The following TBC1D5 variants were observed in gnomAD, a reference collection of about 807,000 sequenced individuals.
The protein encoded by TBC1D5 is TBC1 domain family member 5, also known as TBC1 domain family, member 5.
TBC1D5 carries 75 observed loss-of-function variants against 100.3 expected under a neutral mutation model. That is an observed-to-expected ratio of 0.75 (90% CI 0.62 to 0.91). The LOEUF (loss-of-function observed/expected upper bound fraction) is 0.91. Among genes scored for constraint, TBC1D5 ranks in the 40% least tolerant of loss-of-function variants. The pLI is 0.00. For synonymous variants in TBC1D5, 323 were observed against 325.6 expected (o/e 0.99, Z 0.09); for missense variants, 910 against 942.4 (o/e 0.97, Z 0.45).
At chr3:17,372,318 T>TC in intron 12 of TBC1D5, 71 bp from the exon 13 acceptor site, 1 of 1,341,620 alleles carries the variant, frequency 7.5e-7, no homozygotes, top group Admixed American at 2.4e-5. Flanking sequence ...TCATTCTTTA[T>TC]CAATGACAGT....
At chr3:17,555,360 C>T (rs567386168) in intron 2 of TBC1D5, among the ~76,000 whole-genome samples, 1 of 152,222 alleles carries the variant, frequency 6.6e-6, no homozygotes, top group South Asian at 2.1e-4. Context: ...ATACATACGA[C>T]ATGAATCAAT....
intron 1 of TBC1D5, among the ~76,000 whole-genome samples, chr3:17,734,266 T>G (rs927113281): frequency 1.3e-5 from 2 of 152,108 alleles, no homozygotes; most frequent in African/African-American, 4.8e-5. Flanking sequence ...TACATATATA[T>G]GTGGAGGGCG....
intron 8 of TBC1D5, among the ~76,000 whole-genome samples, chr3:17,399,262 G>C (rs1046569141): frequency 6.6e-6 from 1 of 152,066 alleles, no homozygotes; most frequent in African/African-American, 2.4e-5. Context: ...AATCTGCTTT[G>C]AGTAGAGTGA....
At chr3:17,711,552 TAAAC>T (rs1395668043) in intron 1 of TBC1D5, among the ~76,000 whole-genome samples, 1 of 152,192 alleles carries the variant, frequency 6.6e-6, no homozygotes, top group Non-Finnish European at 1.5e-5. Context: ...TATGAACAAT[TAAAC>T]AATATATTGC....
intron 3 of TBC1D5, among the ~76,000 whole-genome samples, chr3:17,479,329 G>A (rs1182613325): frequency 6.6e-6 from 1 of 152,194 alleles, no homozygotes; most frequent in East Asian, 1.9e-4. Flanking sequence ...CTTGAGCCCA[G>A]AAGGTTGAGA....
chr3:17,371,232 C>T (rs527300527), intron 13 of TBC1D5, among the ~76,000 whole-genome samples: 6 of 151,968 alleles, frequency 3.9e-5, no homozygotes, highest in Non-Finnish European at 5.9e-5. Context: ...CAGGAATCTA[C>T]GTCTGAGGGT....
At chr3:17,303,795 T>G (rs573996899) in intron 14 of TBC1D5, among the ~76,000 whole-genome samples, 1 of 149,696 alleles carries the variant, frequency 6.7e-6, no homozygotes, top group East Asian at 2.0e-4. Context: ...CCTTTAGTCC[T>G]GCCTAATTCA....
intron 13 of TBC1D5, among the ~76,000 whole-genome samples, chr3:17,357,396 G>C (rs994186456): frequency 1.6e-4 from 24 of 152,136 alleles, no homozygotes; most frequent in Non-Finnish European, 4.4e-5. Context: ...AAAAGAGTGG[G>C]AGTGAAAAGT....
At chr3:17,546,635 G>A (rs915514442) in intron 2 of TBC1D5, among the ~76,000 whole-genome samples, 7 of 151,558 alleles carry the variant, frequency 4.6e-5, no homozygotes, top group African/African-American at 4.8e-5. Flanking sequence ...CGGGCATGGC[G>A]GCATGAACCT....
chr3:17,498,291 T>C lies in TBC1D5; in HGVS notation c.97+10183A>G, dbSNP rs2095741135. On this transcript the variant is annotated intron_variant, in intron 3 of 21. Coordinates refer to ENST00000253692, the Ensembl canonical transcript of TBC1D5. ...TATGAAAAAAAAATGATTGCAAGTT[T>C]CAAAACAACTATTTGATTAACAAGG... is the stretch of plus-strand genomic sequence containing the variant. Among the ~76,000 whole-genome samples the C allele has an allele frequency of 1.3e-5, 2 of 152,116 alleles. 1 individual carries two copies. The highest frequency in any genetic ancestry group is 2.9e-5 in the Non-Finnish European group (2 of 67,978).
chr3:17,721,956 T>C (rs989542251), intron 1 of TBC1D5, among the ~76,000 whole-genome samples: 4 of 152,136 alleles, frequency 2.6e-5, no homozygotes, highest in Non-Finnish European at 4.4e-5. Flanking sequence ...CACTCCAGCC[T>C]GGGCGACAGA....
Position 17,697,039 on chromosome 3 carries a change from C to T in TBC1D5, c.-101+42304G>A, listed in dbSNP as rs192221228. 3.2e-3 allele frequency among the ~76,000 whole-genome samples: 484 copies of T among 152,204 alleles called. 10 individuals are homozygous for T. The highest frequency in any genetic ancestry group is 0.03 in the East Asian group (156 of 5,180). On this transcript the variant is annotated intron_variant, in intron 1 of 21. Coordinates refer to ENST00000253692, the Ensembl canonical transcript of TBC1D5. ...TCTTAATAGATGCAGAAAAGGCCTT[C>T]GACAAAATTCAACAGTATTTCATGC... is the stretch of plus-strand genomic sequence containing the variant.
At chr3:17,516,004 C>T (rs1456997015) in intron 2 of TBC1D5, among the ~76,000 whole-genome samples, 1 of 152,170 alleles carries the variant, frequency 6.6e-6, no homozygotes, top group Non-Finnish European at 1.5e-5. Context: ...CACTTCAGTA[C>T]CTCACTGAGG....
At chr3:17,399,867 T>C (rs955388545) in intron 8 of TBC1D5, among the ~76,000 whole-genome samples, 1 of 152,130 alleles carries the variant, frequency 6.6e-6, no homozygotes, top group African/African-American at 2.4e-5. Flanking sequence ...GTCTACATGT[T>C]CTTGCCCTAG....
At chr3:17,418,381 G>A (rs1368610283) in intron 4 of TBC1D5, among the ~76,000 whole-genome samples, 3 of 152,124 alleles carry the variant, frequency 2.0e-5, no homozygotes, top group African/African-American at 7.2e-5. Context: ...GCTGAGGTGG[G>A]TGGATCACCT....
At chr3:17,280,409 C>T (rs201402368) in intron 15 of TBC1D5, among the ~76,000 whole-genome samples, 1 of 152,144 alleles carries the variant, frequency 6.6e-6, no homozygotes, top group East Asian at 1.9e-4. Context: ...GGAAAGTTGC[C>T]TTTTCCAAAA....
chr3:17,615,326 G>A (rs1193898893), intron 2 of TBC1D5, among the ~76,000 whole-genome samples: 1 of 152,194 alleles, frequency 6.6e-6, no homozygotes, highest in Non-Finnish European at 1.5e-5. Context: ...GATCATCAGG[G>A]ATATTGGTCT....
At chr3:17,191,689 T>C (rs571110800) in intron 18 of TBC1D5, among the ~76,000 whole-genome samples, 85 of 152,258 alleles carry the variant, frequency 5.6e-4, no homozygotes, top group African/African-American at 1.9e-3. Flanking sequence ...TGATCTTGGC[T>C]CACTGCAACC....
chr3:17,222,356 A>G (rs2074383593), intron 17 of TBC1D5, among the ~76,000 whole-genome samples: 2 of 152,154 alleles, frequency 1.3e-5, no homozygotes, highest in Admixed American at 1.3e-4. Context: ...ACAGTTCTTT[A>G]GAAGAATGAT....
Sources: allele counts gnomAD v4.1 joint callset (sites outside exome capture counted in the v4.1 genomes callset), GRCh38; gene constraint gnomAD v4.1.1; transcripts MANE v1.5; gene names NCBI Gene and HGNC (gene_info 2026-07-23, HGNC 2026-07-21).